The following ZNF841 variants were observed in gnomAD, a reference collection of about 807,000 sequenced individuals.
ZNF841 encodes zinc finger protein 841.
In ZNF841, 11 loss-of-function variants were observed where a neutral mutation model predicts 13.0. The ratio of observed to expected loss-of-function variants is 0.85; its 90% CI spans 0.53 to 1.40. ZNF841 has a LOEUF of 1.40. Ranked by LOEUF, ZNF841 falls within the 40% of genes most tolerant of loss-of-function variation. ZNF841 has a pLI of 0.00. For synonymous variants in ZNF841, 369 were observed against 381.6 expected (o/e 0.97, Z 0.38); for missense variants, 1,068 against 1,139.5 (o/e 0.94, Z 0.90).
intron 4 of ZNF841, among the ~76,000 whole-genome samples, chr19:52,083,879 C>T (rs1024118415): frequency 1.3e-5 from 2 of 150,526 alleles, no homozygotes; most frequent in Non-Finnish European, 2.9e-5. Context: ...ATAAATTTCA[C>T]ATATAATAAC....
intron 4 of ZNF841, among the ~76,000 whole-genome samples, chr19:52,079,502 GA>G (rs1383574968): frequency 2.8e-5 from 4 of 143,048 alleles, no homozygotes; most frequent in Non-Finnish European, 1.5e-5. Flanking sequence ...TGAAACACTG[GA>G]TTCATTTCCT....
intron 6 of ZNF841, among the ~76,000 whole-genome samples, chr19:52,072,772 T>C (rs1316188236): frequency 6.6e-6 from 1 of 152,060 alleles, no homozygotes; most frequent in African/African-American, 2.4e-5. Flanking sequence ...TGAGCCGAGA[T>C]TGCACCACTG....
chr19:52,090,377 AT>A lies in ZNF841; in HGVS notation c.-143-1376del, dbSNP rs1206739423. On this transcript the variant is annotated intron_variant, in intron 2 of 6. Coordinates refer to ENST00000594440, the MANE Select transcript of ZNF841 (RefSeq NM_001136499.2). ...GGAGTTTGAGACCAGCCTGGGCAAC[AT>A]AGTGAGACTCTTTCTCTACAAAGAA... Among the ~76,000 whole-genome samples the A allele has an allele frequency of 2.0e-5, 3 of 152,082 alleles. No homozygotes were observed. In the East Asian group the frequency reaches 5.8e-4, roughly 30 times the overall value.
downstream of ZNF841, chr19:52,064,352 CCAAAAAAAAAAAAAAA>C (rs1254095445): frequency 2.5e-3 from 121 of 48,966 alleles, no homozygotes; most frequent in East Asian, 0.065. Flanking sequence ...GACTCCGTCT[CCAAAAAAAAAAAAAAA>C]AAAAAAAAAA....
At chr19:52,086,825 T>C (rs914579511) in intron 3 of ZNF841, among the ~76,000 whole-genome samples, 1 of 152,106 alleles carries the variant, frequency 6.6e-6, no homozygotes, top group Non-Finnish European at 1.5e-5. Flanking sequence ...GATTTAGAAA[T>C]GGGGAGGTCA....
chr19:52,063,986 C>T (rs568152421), downstream of ZNF841, among the ~76,000 whole-genome samples: 25 of 144,272 alleles, frequency 1.7e-4, 1 homozygote, highest in South Asian at 3.1e-3. Flanking sequence ...GCCACATATA[C>T]TACACTTCTG....
chr19:52,065,152 C>T lies in ZNF841; in HGVS notation c.2730G>A (p.Val910=), dbSNP rs760007228. ...AGENLTTKLN[V]ERPLDVVLTS... is the part of the protein sequence containing the mutation. ...TTAGGACAACATCTAACGGCCTTTC[C>T]ACATTGAGTTTAGTTGTAAGGTTCT... is the stretch of plus-strand genomic sequence containing the variant. The change falls in exon 7 of 7, where the codon GTG becomes GTA. Residue 910 remains valine (V), a synonymous_variant. Transcript: ENST00000594440. 1.3e-6 allele frequency: 2 copies of T among 1,568,172 alleles called. No individual in the cohort carries two copies. Among genetic ancestry groups the T allele is most frequent in the South Asian group, 2.4e-5 (2 of 82,880 alleles).
At chr19:52,071,179 G>A (rs2087729801) in intron 6 of ZNF841, among the ~76,000 whole-genome samples, 1 of 152,140 alleles carries the variant, frequency 6.6e-6, no homozygotes. Flanking sequence ...GCGGTGTGAT[G>A]ATATGGGAAG....
chr19:52,090,556 C>T (rs895605231), intron 2 of ZNF841, among the ~76,000 whole-genome samples: 1 of 150,586 alleles, frequency 6.6e-6, no homozygotes, highest in African/African-American at 2.5e-5. Flanking sequence ...GTATGATCGC[C>T]CCACTGCATG....
Position 52,076,099 on chromosome 19 carries a change from T to C in ZNF841, c.216A>G (p.Gln72=), listed in dbSNP as rs924057398. The change falls in exon 6 of 7, where the codon CAA becomes CAG. Residue 72 remains glutamine, a synonymous_variant. Transcript: ENST00000594440. The part of the protein sequence containing the change: ...QGKEPWTVVS[Q]VKIARNPNCG... Reference sequence around the variant, plus strand: ...AGTTTGGGTTCCTCGCTATTTTCACTTGGCTCACCACAGTCCAGGGCTCTT... The same window carrying C: ...AGTTTGGGTTCCTCGCTATTTTCACCTGGCTCACCACAGTCCAGGGCTCTT... 2 of 1,555,066 alleles carry C rather than the reference T, an allele frequency of 1.3e-6. No individual in the cohort carries two copies. The highest frequency in any genetic ancestry group is 1.7e-6 in the Non-Finnish European group (2 of 1,148,778).
chr19:52,060,838 T>C (rs1461717653), downstream of ZNF841, among the ~76,000 whole-genome samples: 2 of 152,124 alleles, frequency 1.3e-5, no homozygotes, highest in African/African-American at 4.8e-5. Flanking sequence ...CCCACCCAAC[T>C]GGCAAAGGAC....
intron 2 of ZNF841, among the ~76,000 whole-genome samples, chr19:52,091,856 A>G (rs913682477): frequency 6.6e-5 from 10 of 152,330 alleles, no homozygotes; most frequent in Middle Eastern, 3.4e-3. Flanking sequence ...ACTATGTCCA[A>G]CTAAAAAGTT....
intron 4 of ZNF841, among the ~76,000 whole-genome samples, chr19:52,080,281 G>T (rs1361806146): frequency 1.3e-5 from 2 of 152,158 alleles, no homozygotes; most frequent in South Asian, 2.1e-4. Context: ...ACAGTGAAAT[G>T]ATTTTAACAA....
Position 52,067,237 on chromosome 19 carries a change from A to T in ZNF841, c.645T>A (p.Asn215Lys). The part of the protein sequence containing the change: ...YGCNQIERTV[N>K]NCFLASPLQR... Reference sequence around the variant, plus strand: ...GAAGTGGTGAAGCTAAAAAACAATTATTAACTGTCCTCTCAATTTGATTAC... The same window carrying T: ...GAAGTGGTGAAGCTAAAAAACAATTTTTAACTGTCCTCTCAATTTGATTAC... Residue 215 changes from asparagine (N) to lysine (K), a missense_variant, in exon 7 of 7, where the codon AAT (asparagine) becomes AAA (lysine). Transcript: ENST00000594440. 1 of 1,550,830 alleles carries T rather than the reference A, an allele frequency of 6.4e-7. No individual in the cohort carries two copies. The highest frequency in any genetic ancestry group is 8.7e-7 in the Non-Finnish European group (1 of 1,146,720).
intron 4 of ZNF841, among the ~76,000 whole-genome samples, chr19:52,083,146 G>A (rs2088153832): frequency 6.6e-6 from 1 of 151,786 alleles, no homozygotes; most frequent in African/African-American, 2.4e-5. Flanking sequence ...CTTAAGAATT[G>A]TTTTCTAAAA....
rs185654375 is a variant in ZNF841, at chr19:52,065,300, C to G, written c.2582G>C (p.Arg861Pro). ...CMECGKAFGR[R>P]SCLTKHQRIH... Reference sequence around the variant, plus strand: ...TCGTTGGTGTTTAGTGAGGCAAGACCGCCGCCCAAACGCCTTGCCACATTC... The same window carrying G: ...TCGTTGGTGTTTAGTGAGGCAAGACGGCCGCCCAAACGCCTTGCCACATTC... Residue 861 changes from arginine to proline, a missense_variant, in exon 7 of 7, where the codon CGG (arginine) becomes CCG (proline). By Grantham distance (103) the Arg-to-Pro change is moderately radical (BLOSUM62 -2). Transcript: ENST00000594440. 9 of 1,613,094 alleles carry G rather than the reference C, an allele frequency of 5.6e-6. No individual in the cohort carries two copies. The East Asian group carries it at 1.3e-4, about 24-fold the overall frequency.
chr19:52,091,158 G>A (rs2088485076), intron 2 of ZNF841, among the ~76,000 whole-genome samples: 1 of 151,942 alleles, frequency 6.6e-6, no homozygotes, highest in African/African-American at 2.4e-5. Flanking sequence ...CACAGGCATT[G>A]GGGCTGCAAC....
In ZNF841 at chr19:52,067,538, G is replaced by T; in HGVS notation, c.344C>A (p.Ala115Glu). Reference protein sequence around the residue: ...QNSNTGEKFQAVMLEGHESYD... With the variant: ...QNSNTGEKFQEVMLEGHESYD... ...GCTTTCATGTCCTTCCAACATCACTGCTTGGAATTTTTCTCCTGTGTTACT... is the reference window on the plus strand; with the variant it reads ...GCTTTCATGTCCTTCCAACATCACTTCTTGGAATTTTTCTCCTGTGTTACT... Residue 115 changes from alanine (A) to glutamate (E), a missense_variant, in exon 7 of 7, where the codon GCA (alanine) becomes GAA (glutamate). Ala to Glu is a moderately radical substitution (Grantham distance 107). Transcript: ENST00000594440. 2.5e-6 allele frequency: 4 copies of T among 1,598,668 alleles called. No individual in the cohort carries two copies. The highest frequency in any genetic ancestry group is 3.4e-6 in the Non-Finnish European group (4 of 1,174,192).
chr19:52,064,941 C>T lies in ZNF841; in HGVS notation c.*166G>A, dbSNP rs539597663. ...GAGCCAGACCTCATGAGAACTATCA[C>T]AAGGACAGCAACAAGGGGATGGTAC... On this transcript the variant is annotated 3_prime_UTR_variant, in exon 7 of 7. Transcript: ENST00000594440. 3.6e-6 allele frequency: 2 copies of T among 549,218 alleles called. No individual in the cohort carries two copies. The highest frequency in any genetic ancestry group is 3.1e-5 in the East Asian group (1 of 32,324). 34.0% of individuals were successfully genotyped at this position (549,218 alleles called of 1,614,324 possible). A position where few individuals can be genotyped will look rare whatever the true frequency, so the allele number is the denominator to read the frequency against.
Sources: allele counts gnomAD v4.1 joint callset (sites outside exome capture counted in the v4.1 genomes callset), GRCh38; gene constraint gnomAD v4.1.1; transcripts MANE v1.5; gene names NCBI Gene and HGNC (gene_info 2026-07-23, HGNC 2026-07-21).